The following APBA1 variants were observed in gnomAD, a reference collection of about 807,000 sequenced individuals.
The protein encoded by APBA1 is amyloid beta precursor protein binding family A member 1.
Under a neutral mutation model 86.6 loss-of-function variants are expected in APBA1, and 55 were observed. The ratio of observed to expected loss-of-function variants is 0.64; its 90% confidence interval spans 0.51 to 0.80. APBA1 has a LOEUF of 0.80. APBA1 is among the 30% of genes least tolerant of loss of function. The pLI, the probability that APBA1 is intolerant of heterozygous loss-of-function variation, is 0.00. For missense variants in APBA1, 1,090 were observed against 1,183.0 expected, an observed-to-expected ratio of 0.92 and a Z score of 1.15; for synonymous variants, 511 against 493.9, an observed-to-expected ratio of 1.03 and a Z score of -0.46.
chr9:69,591,850 T>C (rs1251333125), intron 1 of APBA1, among the ~76,000 whole-genome samples: 1 of 152,254 alleles, frequency 6.6e-6, no homozygotes, highest in East Asian at 1.9e-4. Flanking sequence ...TGCATGTTAA[T>C]AAACTTTTGC....
intron 5 of APBA1, among the ~76,000 whole-genome samples, chr9:69,458,963 C>A (rs1049202377): frequency 6.6e-6 from 1 of 152,116 alleles, no homozygotes; most frequent in Non-Finnish European, 1.5e-5. Context: ...TGCGCCACCA[C>A]GCCTGGCTAG....
intron 11 of APBA1, among the ~76,000 whole-genome samples, chr9:69,434,781 G>A (rs1008527236): frequency 6.6e-6 from 1 of 150,986 alleles, no homozygotes; most frequent in African/African-American, 2.4e-5. Context: ...TTACTAAAAT[G>A]TCCACTTTAA....
intron 1 of APBA1, among the ~76,000 whole-genome samples, chr9:69,622,150 A>G (rs1376727979): frequency 6.6e-6 from 1 of 152,228 alleles, no homozygotes; most frequent in Non-Finnish European, 1.5e-5. Context: ...TGTCACCCAT[A>G]TGTGAGATCT....
chr9:69,574,619 G>A (rs1457053451), intron 1 of APBA1, among the ~76,000 whole-genome samples: 5 of 152,032 alleles, frequency 3.3e-5, no homozygotes, highest in Non-Finnish European at 7.4e-5. Context: ...TTTTGTAGTT[G>A]GTGTGCTGGT....
At chr9:69,667,767 A>G (rs1748014706) in intron 1 of APBA1, among the ~76,000 whole-genome samples, 1 of 151,058 alleles carries the variant, frequency 6.6e-6, no homozygotes, top group African/African-American at 2.4e-5. Context: ...CTTCTCTTTT[A>G]TCTCCCAACT....
Position 69,575,752 on chromosome 9 carries a change from C to A in APBA1, c.-69-58473G>T, listed in dbSNP as rs192181139. On this transcript the variant is annotated intron_variant, in intron 1 of 12. Coordinates refer to ENST00000265381, the MANE Select transcript of APBA1 (RefSeq NM_001163.4). ...AATCTTAGACCTAAAACCATAAAAA[C>A]CCTAGAGGAAAACCTAGGCAATACC... 4.8e-3 allele frequency among the ~76,000 whole-genome samples: 728 copies of A among 152,238 alleles called. 9 individuals are homozygous for A. The highest frequency in any genetic ancestry group is 0.015 in the African/African-American group (615 of 41,536).
chr9:69,473,428 G>A (rs979951507), intron 3 of APBA1, among the ~76,000 whole-genome samples: 1 of 152,098 alleles, frequency 6.6e-6, no homozygotes, highest in African/African-American at 2.4e-5. Flanking sequence ...TATAGCCTGG[G>A]GTAATGAGAG....
chr9:69,471,604 C>T lies in APBA1; in HGVS notation c.1336+52G>A, dbSNP rs1235948507. Reference sequence around the variant, plus strand: ...TCTCAGTGCTTCATATGCCCCAATGCTAAAAGATTCATGAATGACTCAGTG... The same window carrying T: ...TCTCAGTGCTTCATATGCCCCAATGTTAAAAGATTCATGAATGACTCAGTG... On this transcript the variant is annotated intron_variant, in intron 4 of 12. Coordinates refer to ENST00000265381, the MANE Select transcript of APBA1 (RefSeq NM_001163.4). 39 of 1,503,528 alleles carry T rather than the reference C, an allele frequency of 2.6e-5. No individual in the cohort carries two copies. The South Asian group carries it at 4.2e-4, about 16-fold the overall frequency. The allele number at this position is 1,503,528 out of a possible 1,614,324, so 93.1% of individuals were successfully genotyped here.
chr9:69,467,752 G>A, intron 5 of APBA1, 71 bp downstream of exon 5: 4 of 1,567,270 alleles, frequency 2.6e-6, no homozygotes, highest in Non-Finnish European at 1.7e-6. Context: ...TGGAGTTGTG[G>A]CCAGTGTTGT....
In APBA1 at chr9:69,439,539, T is replaced by C. The variant is rs564448337; in HGVS notation, c.2301+1457A>G. On this transcript the variant is annotated intron_variant, in intron 11 of 12. Coordinates refer to ENST00000265381, the MANE Select transcript of APBA1 (RefSeq NM_001163.4). ...TTTATGCTTCATTTCATTCATTTCA[T>C]CTTCCATTGCTGATACCCTTTCTTC... 8.3e-4 allele frequency among the ~76,000 whole-genome samples: 127 copies of C among 152,366 alleles called. 1 individual carries two copies. The highest frequency in any genetic ancestry group is 3.4e-3 in the Middle Eastern group (1 of 294).
chr9:69,599,685 G>A (rs1345615845), intron 1 of APBA1, among the ~76,000 whole-genome samples: 1 of 152,164 alleles, frequency 6.6e-6, no homozygotes, highest in Non-Finnish European at 1.5e-5. Context: ...CAGTACCCAG[G>A]AATGTGTTGA....
At chr9:69,539,654 C>T (rs553502081) in intron 1 of APBA1, among the ~76,000 whole-genome samples, 1 of 152,304 alleles carries the variant, frequency 6.6e-6, no homozygotes, top group East Asian at 1.9e-4. Flanking sequence ...CACCTCTCAC[C>T]TCAGCGTCTA....
At chr9:69,649,201 G>A (rs1823448477) in intron 1 of APBA1, among the ~76,000 whole-genome samples, 1 of 152,176 alleles carries the variant, frequency 6.6e-6, no homozygotes, top group Admixed American at 6.5e-5. Context: ...CTTGTAAAAT[G>A]CACGTAAGAG....
rs570968053 is a variant in APBA1, at chr9:69,639,021, G to C, written c.-70+33132C>G. The stretch of plus-strand genomic sequence containing the variant: ...ATTCTCAGGGTCCCTAAAACTATAA[G>C]AGAATTTATATAGGTTTTGATTTTT... On this transcript the variant is annotated intron_variant, in intron 1 of 12. Transcript: ENST00000265381. Among the ~76,000 whole-genome samples, 97 of 152,192 alleles carry C rather than the reference G, an allele frequency of 6.4e-4. 1 individual carries two copies. The highest frequency in any genetic ancestry group is 1.6e-3 in the Admixed American group (25 of 15,286).
At chr9:69,554,488 A>C (rs1836832284) in intron 1 of APBA1, among the ~76,000 whole-genome samples, 1 of 152,178 alleles carries the variant, frequency 6.6e-6, no homozygotes, top group Non-Finnish European at 1.5e-5. Flanking sequence ...GTGATCCATT[A>C]GTGGTTTTTG....
chr9:69,456,583 C>G, intron 7 of APBA1, 151 bp from the exon 8 acceptor site: 1 of 734,924 alleles, frequency 1.4e-6, no homozygotes, highest in Non-Finnish European at 2.2e-6. Flanking sequence ...TCAACGGATA[C>G]CCACCCAGGC....
intron 1 of APBA1, among the ~76,000 whole-genome samples, chr9:69,586,574 A>G (rs970188892): frequency 1.3e-5 from 2 of 152,064 alleles, no homozygotes; most frequent in African/African-American, 4.8e-5. Context: ...TTCTTTCTCT[A>G]GCCACAGTTT....
intron 1 of APBA1, among the ~76,000 whole-genome samples, chr9:69,593,266 A>G (rs182482947): frequency 3.4e-4 from 52 of 152,260 alleles, no homozygotes; most frequent in Admixed American, 3.3e-3. Flanking sequence ...ACTTGTGCTT[A>G]TCTGTGTCTA....
intron 1 of APBA1, among the ~76,000 whole-genome samples, chr9:69,574,187 TC>T (rs2133950590): frequency 6.6e-6 from 1 of 152,200 alleles, no homozygotes; most frequent in East Asian, 1.9e-4. Flanking sequence ...ACATGGTGCA[TC>T]CCCCTGGCCT....
Sources: gnomAD v4.1 joint callset for allele counts (sites outside exome capture counted in the v4.1 genomes callset) on GRCh38, gnomAD v4.1.1 for gene constraint, MANE v1.5 for transcripts, NCBI Gene and HGNC (gene_info 2026-07-23, HGNC 2026-07-21) for gene names.